MECOM: variants seen among roughly 807,000 people sequenced by gnomAD.
MECOM encodes MDS1 and EVI1 complex locus, also known as histone-lysine N-methyltransferase MECOM.
Under a neutral mutation model 116.3 loss-of-function variants are expected in MECOM, and 13 were observed. That is an observed-to-expected ratio of 0.11 (90% confidence interval 0.07 to 0.18). The LOEUF is 0.18. MECOM is among the 10% of genes least tolerant of loss of function. The pLI, the probability that MECOM is intolerant of heterozygous loss-of-function variation, is 1.00. For missense variants in MECOM, 1,299 were observed against 1,509.0 expected (o/e 0.86, Z 2.31); for synonymous variants, 528 against 535.2 (o/e 0.99, Z 0.19).
intron 1 of MECOM, among the ~76,000 whole-genome samples, chr3:169,423,489 T>A (rs1023918514): frequency 6.6e-5 from 10 of 152,124 alleles, no homozygotes; most frequent in African/African-American, 2.4e-4. Context: ...TGTATAGAAT[T>A]CCTTGCAGAT....
In MECOM at chr3:169,649,754, C is replaced by T. The variant is rs116290118; in HGVS notation, c.37+13582G>A. On this transcript the variant is annotated intron_variant, in intron 1 of 16. Transcript: ENST00000651503. Reference sequence around the variant, plus strand: ...AGTAAACATCCACACCAAAAAAGTACGCATTTGAAACAAATATTGTGCTCT... The same window carrying T: ...AGTAAACATCCACACCAAAAAAGTATGCATTTGAAACAAATATTGTGCTCT... Among the ~76,000 whole-genome samples, 1,239 of 152,196 alleles carry T rather than the reference C, an allele frequency of 8.1e-3. 24 individuals carry two copies. Among genetic ancestry groups the T allele is most frequent in the African/African-American group, 0.028 (1,170 of 41,526 alleles).
At chr3:169,403,430 A>C (rs576154279) in intron 1 of MECOM, among the ~76,000 whole-genome samples, 1 of 152,368 alleles carries the variant, frequency 6.6e-6, no homozygotes, top group South Asian at 2.1e-4. Flanking sequence ...ATAGACACCA[A>C]TAAAATAGTG....
intron 1 of MECOM, among the ~76,000 whole-genome samples, chr3:169,451,110 C>T (rs1745501699): frequency 6.6e-6 from 1 of 152,090 alleles, no homozygotes; most frequent in Non-Finnish European, 1.5e-5. Context: ...CATAATTCAA[C>T]AACAGCCCTT....
chr3:169,115,598 G>C lies in MECOM; in HGVS notation c.2274C>G (p.Pro758=). Residue 758 remains proline, a synonymous_variant, in exon 8 of 17, where the codon CCC becomes CCG. Transcript: ENST00000651503. ...TGGCAGGTGTCACTGGAGGCTTGGA[G>C]GGGACTGGAGTCAAGGGCTTCTCAT... ...RKDEKPLTPV[P]SKPPVTPATS... 1 of 1,614,130 alleles carries C rather than the reference G, an allele frequency of 6.2e-7. No homozygotes were observed. Among genetic ancestry groups the C allele is most frequent in the Non-Finnish European group, 8.5e-7 (1 of 1,180,016 alleles).
intron 2 of MECOM, among the ~76,000 whole-genome samples, chr3:169,319,752 A>G (rs1203856123): frequency 6.6e-6 from 1 of 152,186 alleles, no homozygotes; most frequent in Non-Finnish European, 1.5e-5. Flanking sequence ...CTTCTGCCCT[A>G]TGTGTAAAGT....
At chr3:169,564,206 C>T (rs747270403) in intron 1 of MECOM, among the ~76,000 whole-genome samples, 14 of 152,200 alleles carry the variant, frequency 9.2e-5, no homozygotes, top group Middle Eastern at 3.4e-3. Flanking sequence ...ATCACTAAGA[C>T]GACTCAAACA....
chr3:169,169,905 T>C (rs1275378743), intron 2 of MECOM, among the ~76,000 whole-genome samples: 1 of 151,832 alleles, frequency 6.6e-6, no homozygotes, highest in African/African-American at 2.4e-5. Flanking sequence ...CTAGATGATA[T>C]CTTACTACTG....
At chr3:169,271,264 C>T (rs1433572179) in intron 2 of MECOM, among the ~76,000 whole-genome samples, 1 of 152,180 alleles carries the variant, frequency 6.6e-6, no homozygotes, top group Non-Finnish European at 1.5e-5. Context: ...CAGCCCCCAG[C>T]CCTGAGCACA....
intron 1 of MECOM, among the ~76,000 whole-genome samples, chr3:169,418,581 G>T (rs921257875): frequency 6.6e-6 from 1 of 152,142 alleles, no homozygotes; most frequent in Admixed American, 6.6e-5. Flanking sequence ...GGGATGCAAG[G>T]CTAGATCATC....
chr3:169,376,028 C>T (rs1207181912), intron 2 of MECOM, among the ~76,000 whole-genome samples: 1 of 151,950 alleles, frequency 6.6e-6, no homozygotes, highest in African/African-American at 2.4e-5. Flanking sequence ...GATCAACATA[C>T]ACAAATCAAT....
At chr3:169,221,581 A>G (rs1338429001) in intron 2 of MECOM, among the ~76,000 whole-genome samples, 1 of 151,814 alleles carries the variant, frequency 6.6e-6, no homozygotes, top group East Asian at 1.9e-4. Context: ...AAAAAAAAAA[A>G]AAGCCAGTGG....
In MECOM at chr3:169,090,228, C is replaced by T. The variant is rs1232030032; in HGVS notation, c.3173G>A (p.Gly1058Asp). 6.3e-7 allele frequency: 1 copy of T among 1,599,466 alleles called. No homozygotes were observed. Among genetic ancestry groups the T allele is most frequent in the Admixed American group, 1.8e-5 (1 of 56,482 alleles). The change falls in exon 15 of 17, where the codon GGC becomes GAC. Residue 1058 changes from glycine to aspartate, a missense_variant. Transcript: ENST00000651503. Reference sequence around the variant, plus strand: ...AGCCTTTTCATCTTTAAAATGACTGCCATTCATTCTTTCAAAAGCATTAAA... The same window carrying T: ...AGCCTTTTCATCTTTAAAATGACTGTCATTCATTCTTTCAAAAGCATTAAA... ...SPRNVEERMNGSHFKDEKALV... is the reference protein window; with the variant it reads ...SPRNVEERMNDSHFKDEKALV...
chr3:169,173,020 T>C (rs907482742), intron 2 of MECOM, among the ~76,000 whole-genome samples: 2 of 152,178 alleles, frequency 1.3e-5, no homozygotes, highest in Non-Finnish European at 1.5e-5. Context: ...TTTTCCATAG[T>C]TTACTCTAAG....
At chr3:169,605,052 C>T (rs1242226228) in intron 1 of MECOM, among the ~76,000 whole-genome samples, 1 of 152,066 alleles carries the variant, frequency 6.6e-6, no homozygotes, top group Non-Finnish European at 1.5e-5. Context: ...CATACAAATT[C>T]CCAGAGGCAA....
chr3:169,305,623 G>A (rs1717533671), intron 2 of MECOM, among the ~76,000 whole-genome samples: 1 of 152,186 alleles, frequency 6.6e-6, no homozygotes, highest in South Asian at 2.1e-4. Context: ...CAGCACCAAG[G>A]CCCAGCCCAC....
chr3:169,616,508 G>A (rs112758788), intron 1 of MECOM, among the ~76,000 whole-genome samples: 1,852 of 152,204 alleles, frequency 0.012, 46 homozygotes, highest in African/African-American at 0.043. Context: ...ACCACACCTG[G>A]CTAATTTTTG....
chr3:169,106,921 A>G (rs1725627404), intron 10 of MECOM, among the ~76,000 whole-genome samples: 1 of 152,142 alleles, frequency 6.6e-6, no homozygotes, highest in African/African-American at 2.4e-5. Context: ...CTCCATAAAT[A>G]TTTGTGTACA....
At chr3:169,183,348 C>T (rs1296364645) in intron 2 of MECOM, among the ~76,000 whole-genome samples, 1 of 152,144 alleles carries the variant, frequency 6.6e-6, no homozygotes, top group African/African-American at 2.4e-5. Flanking sequence ...AGTCTCTCAT[C>T]CCATTAATTC....
intron 2 of MECOM, among the ~76,000 whole-genome samples, chr3:169,340,575 T>G (rs1239804803): frequency 6.6e-6 from 1 of 152,204 alleles, no homozygotes; most frequent in Admixed American, 6.5e-5. Flanking sequence ...AGAATGCTTT[T>G]GATATTATGA....
Sources: gnomAD v4.1 joint callset for allele counts (sites outside exome capture counted in the v4.1 genomes callset) on GRCh38, gnomAD v4.1.1 for gene constraint, MANE v1.5 for transcripts, NCBI Gene and HGNC (gene_info 2026-07-23, HGNC 2026-07-21) for gene names.